Variants in HDX observed in about 807,000 individuals in gnomAD.
HDX encodes highly divergent homeobox, also known as chromosome X open reading frame 43.
A neutral mutation model predicts 45.2 loss-of-function variants in HDX; 19 were observed. The observed-to-expected ratio is 0.42, with a 90% CI of 0.29 to 0.62. The LOEUF (loss-of-function observed/expected upper bound fraction) is 0.62, where lower values mean the gene tolerates loss of function less well. Among genes scored for constraint, HDX ranks in the 20% least tolerant of loss-of-function variants. The pLI is 0.20. For synonymous variants in HDX, 188 were observed against 172.8 expected (o/e 1.09, Z -0.69); for missense variants, 532 against 493.9 (o/e 1.08, Z -0.73).
intron 4 of HDX, among the ~76,000 whole-genome samples, chrX:84,457,300 T>C (rs1452603994): frequency 8.9e-6 from 1 of 111,827 alleles, no homozygotes; most frequent in East Asian, 2.8e-4. Flanking sequence ...CAATGTGGTT[T>C]ATCTATTACT....
intron 4 of HDX, 21 bp from the exon 5 acceptor site, chrX:84,440,606 A>T (rs2039739315): frequency 1.9e-6 from 2 of 1,066,890 alleles, no homozygotes; most frequent in African/African-American, 1.8e-5. Context: ...AATAAATGGA[A>T]TCTCAGTAAG....
At chrX:84,392,349 G>A (rs1049458010) in intron 5 of HDX, among the ~76,000 whole-genome samples, 3 of 110,868 alleles carry the variant, frequency 2.7e-5, no homozygotes, top group African/African-American at 6.5e-5. Context: ...TAGGTAGTGC[G>A]GTACCTCCAG....
At chrX:84,371,042 T>C (rs1432863205) in intron 5 of HDX, among the ~76,000 whole-genome samples, 2 of 112,244 alleles carry the variant, frequency 1.8e-5, no homozygotes, top group Admixed American at 1.9e-4. Flanking sequence ...ACACTTCTAT[T>C]CTCCAGCAAC....
intron 4 of HDX, among the ~76,000 whole-genome samples, chrX:84,467,144 T>G (rs1025836868): frequency 2.7e-5 from 3 of 111,302 alleles, no homozygotes; most frequent in African/African-American, 9.8e-5. Flanking sequence ...CTGTTAATGA[T>G]GATGATGGAG....
chrX:84,492,476 A>G (rs1264480272), intron 1 of HDX, among the ~76,000 whole-genome samples: 1 of 110,931 alleles, frequency 9.0e-6, no homozygotes, highest in Non-Finnish European at 1.9e-5. Context: ...TTGTGACTTT[A>G]GCAGAGATAA....
intron 5 of HDX, among the ~76,000 whole-genome samples, chrX:84,406,748 T>C (rs1486339706): frequency 9.0e-6 from 1 of 111,170 alleles, no homozygotes; most frequent in Non-Finnish European, 1.9e-5. Flanking sequence ...TTTATTTTAG[T>C]CTTTGGATTT....
chrX:84,428,596 C>T (rs1374827420), intron 5 of HDX, among the ~76,000 whole-genome samples: 1 of 110,948 alleles, frequency 9.0e-6, no homozygotes, highest in Non-Finnish European at 1.9e-5. Flanking sequence ...ATACATGATG[C>T]AACATGTGTC....
intron 6 of HDX, among the ~76,000 whole-genome samples, chrX:84,360,780 T>A (rs1430476877): frequency 8.9e-6 from 1 of 112,313 alleles, no homozygotes; most frequent in Non-Finnish European, 1.9e-5. Context: ...TAATAGTCCA[T>A]TATATGCATA....
At chrX:84,407,518 C>T (rs1366205837) in intron 5 of HDX, among the ~76,000 whole-genome samples, 1 of 111,180 alleles carries the variant, frequency 9.0e-6, no homozygotes, top group Admixed American at 9.6e-5. Flanking sequence ...CTGCAATGAA[C>T]ATACACATGC....
At chrX:84,498,746 G>T (rs762735306) in intron 1 of HDX, among the ~76,000 whole-genome samples, 50 of 108,989 alleles carry the variant, frequency 4.6e-4, no homozygotes, top group African/African-American at 1.6e-3. Context: ...AACAAATGTA[G>T]GTATACACCA....
At chrX:84,440,678 A>G in intron 4 of HDX, 93 bp from the exon 5 acceptor site, 1 of 537,460 alleles carries the variant, frequency 1.9e-6, no homozygotes, top group Non-Finnish European at 3.2e-6. Context: ...CTATTTCAAG[A>G]TAAATCTGCA....
At chrX:84,328,093 C>T (rs998173411) in intron 9 of HDX, among the ~76,000 whole-genome samples, 16 of 111,252 alleles carry the variant, frequency 1.4e-4, no homozygotes, top group Admixed American at 1.9e-4. Flanking sequence ...GTTGGTATTA[C>T]GGGGATGCAT....
At chrX:84,403,988 G>A (rs2038762376) in intron 5 of HDX, 2 of 111,314 alleles carry the variant, frequency 1.8e-5, no homozygotes, top group African/African-American at 6.5e-5. Flanking sequence ...GCTAGGAATA[G>A]CCCTGTAATA....
In HDX at chrX:84,381,184, A is replaced by G. The variant is rs911462130; in HGVS notation, c.1306-19572T>C. 2.7e-5 allele frequency among the ~76,000 whole-genome samples: 3 copies of G among 111,361 alleles called. No individual in the cohort carries two copies. In the East Asian group the frequency reaches 8.4e-4, roughly 31 times the overall value. On this transcript the variant is annotated intron_variant, in intron 5 of 10. Transcript: ENST00000373177. ...CCATAATGAAAACTACAAAACACTG[A>G]TGAAAGAAATTGAAAAGGGCACCAC...
chrX:84,428,361 G>A (rs1176736762), intron 5 of HDX, among the ~76,000 whole-genome samples: 1 of 110,855 alleles, frequency 9.0e-6, no homozygotes, highest in Non-Finnish European at 1.9e-5. Flanking sequence ...AACATCACAT[G>A]TAAGTATTAG....
intron 5 of HDX, among the ~76,000 whole-genome samples, chrX:84,409,258 C>CT (rs948709791): frequency 1.6e-4 from 18 of 111,062 alleles, no homozygotes; most frequent in African/African-American, 5.9e-4. Context: ...AATAGGGACA[C>CT]TTTTACACTG....
chrX:84,369,464 C>T (rs1441902060), intron 5 of HDX, among the ~76,000 whole-genome samples: 4 of 111,968 alleles, frequency 3.6e-5, no homozygotes, highest in Non-Finnish European at 7.5e-5. Flanking sequence ...TAGGGTAATT[C>T]TATTTTTCAT....
chrX:84,449,663 G>A (rs1238720237), intron 4 of HDX, among the ~76,000 whole-genome samples: 1 of 111,893 alleles, frequency 8.9e-6, no homozygotes, highest in African/African-American at 3.3e-5. Flanking sequence ...ATTGTTTAAG[G>A]GAGTCTGACA....
At chrX:84,491,401 T>G (rs2040890862) in intron 1 of HDX, among the ~76,000 whole-genome samples, 2 of 112,091 alleles carry the variant, frequency 1.8e-5, no homozygotes, top group Admixed American at 9.5e-5. Flanking sequence ...TAAAAAAATC[T>G]ATTTTGTTCT....
Sources: allele counts gnomAD v4.1 joint callset (sites outside exome capture counted in the v4.1 genomes callset), GRCh38; gene constraint gnomAD v4.1.1; transcripts MANE v1.5; gene names NCBI Gene and HGNC (gene_info 2026-07-23, HGNC 2026-07-21).